COL4A2: variants seen among roughly 807,000 people sequenced by gnomAD.
COL4A2 encodes the protein collagen alpha-2(IV) chain.
COL4A2 carries 99 observed loss-of-function variants against 200.2 expected under a neutral mutation model. The observed-to-expected ratio is 0.49, with a 90% confidence interval of 0.42 to 0.58. COL4A2 has a LOEUF of 0.58. COL4A2 is among the 20% of genes least tolerant of loss of function. COL4A2 has a pLI of 0.00. For synonymous variants in COL4A2, 897 were observed against 900.6 expected, an observed-to-expected ratio of 1.00 and a Z score of 0.07; for missense variants, 1,950 against 2,314.1, an observed-to-expected ratio of 0.84 and a Z score of 3.23.
At position 110,430,602 on chromosome 13, in the gene COL4A2, A is replaced by G. The variant is rs1375779141; in HGVS notation, c.643A>G (p.Arg215Gly). Residue 215 changes from arginine to glycine, a missense_variant, in exon 10 of 48, where the codon AGA becomes GGA. Arg to Gly is a moderately radical substitution (Grantham distance 125). Transcript: ENST00000360467. ...GQMGPVGAPG[R>G]PGPPGPPGPK... ...GATGGGTCCAGTTGGAGCTCCAGGG[A>G]GACCAGTAAGTACCTGGACACAGGT... The G allele has an allele frequency of 1.2e-6, 2 of 1,614,206 alleles. No homozygotes were observed. The highest frequency in any genetic ancestry group is 1.7e-6 in the Non-Finnish European group (2 of 1,180,012).
intron 3 of COL4A2, among the ~76,000 whole-genome samples, chr13:110,346,897 T>C (rs1395246270): frequency 6.6e-6 from 1 of 152,194 alleles, no homozygotes; most frequent in Non-Finnish European, 1.5e-5. Flanking sequence ...GGGGAGGCCA[T>C]GAAAGAACGG....
intron 10 of COL4A2, among the ~76,000 whole-genome samples, chr13:110,431,604 G>A (rs1004820402): frequency 2.6e-5 from 4 of 152,106 alleles, no homozygotes; most frequent in African/African-American, 9.7e-5. Context: ...GCTTAGTCAC[G>A]GCACACATGC....
At chr13:110,423,256 CT>C (rs11366856) in intron 4 of COL4A2, among the ~76,000 whole-genome samples, 85,482 of 151,872 alleles carry the variant, frequency 0.56, 25,376 homozygotes, top group East Asian at 0.76. Context: ...AGAACTTCCC[CT>C]CCCCTCCTTT....
At chr13:110,462,067 C>T (rs1392657795) in intron 22 of COL4A2, 47 bp from the exon 23 acceptor site, 1 of 1,608,952 alleles carries the variant, frequency 6.2e-7, no homozygotes, top group South Asian at 1.1e-5. Context: ...TCTCAGATGC[C>T]CTCACAGTAC....
chr13:110,348,656 AT>A (rs5806851), intron 3 of COL4A2, among the ~76,000 whole-genome samples: 138,075 of 149,520 alleles, frequency 0.92, 64,584 homozygotes, highest in Middle Eastern at 1. Flanking sequence ...AATTGTATAG[AT>A]TTTTTTTTTT....
intron 20 of COL4A2, among the ~76,000 whole-genome samples, chr13:110,451,997 G>A (rs1881553138): frequency 6.6e-6 from 1 of 152,228 alleles, no homozygotes; most frequent in African/African-American, 2.4e-5. Context: ...TTCCAAAGTA[G>A]TTTACTTTAA....
intron 3 of COL4A2, among the ~76,000 whole-genome samples, chr13:110,321,196 ATGTGTCTGTGTG>A (rs1885268217): frequency 7.6e-6 from 1 of 131,528 alleles, no homozygotes; most frequent in Non-Finnish European, 1.6e-5. Flanking sequence ...GTGTGTGTGT[ATGTGTCTGTGTG>A]TATATATATA....
At chr13:110,329,050 C>A (rs1875777453) in intron 3 of COL4A2, among the ~76,000 whole-genome samples, 1 of 152,122 alleles carries the variant, frequency 6.6e-6, no homozygotes, top group Admixed American at 6.5e-5. Flanking sequence ...AAAATAAATT[C>A]TTCTTCTATT....
At chr13:110,365,437 G>A (rs9521719) in intron 4 of COL4A2, among the ~76,000 whole-genome samples, 60,555 of 152,006 alleles carry the variant, frequency 0.4, 12,195 homozygotes, top group Middle Eastern at 0.56. Context: ...CACTGTTCCC[G>A]GCCTGGCATT....
At chr13:110,460,879 A>G (rs1257772787) in intron 22 of COL4A2, among the ~76,000 whole-genome samples, 1 of 152,200 alleles carries the variant, frequency 6.6e-6, no homozygotes, top group East Asian at 1.9e-4. Flanking sequence ...GAACTCTCCT[A>G]GATTCTAAAG....
At chr13:110,443,660 G>A (rs993741889) in intron 16 of COL4A2, among the ~76,000 whole-genome samples, 1 of 152,154 alleles carries the variant, frequency 6.6e-6, no homozygotes, top group Non-Finnish European at 1.5e-5. Context: ...ATAGTGATCT[G>A]CATGTCAGTC....
intron 3 of COL4A2, among the ~76,000 whole-genome samples, chr13:110,323,756 C>G (rs986692701): frequency 6.6e-6 from 1 of 152,256 alleles, no homozygotes; most frequent in Admixed American, 6.5e-5. Flanking sequence ...CAGCGCCCAG[C>G]TGGGCATCTG....
chr13:110,322,543 G>C (rs9588138), intron 3 of COL4A2, among the ~76,000 whole-genome samples: 48,592 of 152,076 alleles, frequency 0.32, 8,360 homozygotes, highest in Non-Finnish European at 0.39. Context: ...AAGGGGAGAA[G>C]ACATATGGGG....
chr13:110,360,234 G>A (rs902424122), intron 4 of COL4A2, among the ~76,000 whole-genome samples: 2 of 152,206 alleles, frequency 1.3e-5, no homozygotes, highest in South Asian at 4.1e-4. Flanking sequence ...TGTCTAGAGC[G>A]ACTCTGCATT....
At chr13:110,348,996 G>A (rs1234918075) in intron 3 of COL4A2, among the ~76,000 whole-genome samples, 3 of 152,172 alleles carry the variant, frequency 2.0e-5, no homozygotes, top group Non-Finnish European at 2.9e-5. Context: ...CATTTTCTAT[G>A]TGCAAGTTGA....
chr13:110,434,435 G>A lies in COL4A2; in HGVS notation c.719G>A (p.Gly240Asp). The change falls in exon 12 of 48, where the codon GGT becomes GAT. Residue 240 changes from glycine (G) to aspartate (D), a missense_variant. Gly to Asp is a moderately conservative substitution (Grantham distance 94). This residue lies in a region of COL4A2 where 565 missense variants were observed against 593.5 expected (regional missense o/e 0.95). Transcript: ENST00000360467. ...NRGLGFYGVK[G>D]EKGDVGQPGP... ...GGACTTGGTTTCTACGGAGTTAAGG[G>A]TGAAAAGGTAAAGGAAGCCTGGTCA... is the stretch of plus-strand genomic sequence containing the variant. 2 of 1,614,014 alleles carry A rather than the reference G, an allele frequency of 1.2e-6. No homozygotes were observed. The highest frequency in any genetic ancestry group is 1.7e-6 in the Non-Finnish European group (2 of 1,179,924).
At chr13:110,445,212 G>A (rs1480544909) in intron 16 of COL4A2, among the ~76,000 whole-genome samples, 1 of 152,048 alleles carries the variant, frequency 6.6e-6, no homozygotes, top group Non-Finnish European at 1.5e-5. Flanking sequence ...GTCTATTTTG[G>A]TACTAAATGA....
chr13:110,373,641 C>T (rs903109290), intron 4 of COL4A2, among the ~76,000 whole-genome samples: 4 of 152,246 alleles, frequency 2.6e-5, no homozygotes, highest in African/African-American at 9.6e-5. Flanking sequence ...CCACTGCTTA[C>T]ACATGCTTGG....
intron 4 of COL4A2, among the ~76,000 whole-genome samples, chr13:110,391,754 C>T (rs9588152): frequency 0.034 from 5,104 of 152,302 alleles, 299 homozygotes; most frequent in African/African-American, 0.11. Flanking sequence ...TATCTAGTCA[C>T]ATGATCATTG....
Sources: gnomAD v4.1 joint callset for allele counts (sites outside exome capture counted in the v4.1 genomes callset) on GRCh38, gnomAD v4.1.1 for gene constraint, gnomAD v4.1.1 regional missense constraint, MANE v1.5 for transcripts, NCBI Gene and HGNC (gene_info 2026-07-23, HGNC 2026-07-21) for gene names.